RNF152: variants seen among roughly 807,000 people sequenced by gnomAD.
RNF152 encodes the protein E3 ubiquitin-protein ligase RNF152.
RNF152 carries 11 observed loss-of-function variants against 12.7 expected under a neutral mutation model. The ratio of observed to expected loss-of-function variants is 0.86; its 90% CI spans 0.54 to 1.43. The LOEUF is 1.43. Ranked by LOEUF, RNF152 falls within the 40% of genes most tolerant of loss-of-function variation. The pLI, the probability that RNF152 is intolerant of heterozygous loss-of-function variation, is 0.00. For synonymous variants in RNF152, 113 were observed against 120.3 expected (o/e 0.94, Z 0.40); for missense variants, 255 against 274.8 (o/e 0.93, Z 0.51).
At chr18:61,868,539 C>T (rs1206582782) in intron 1 of RNF152, among the ~76,000 whole-genome samples, 5 of 152,016 alleles carry the variant, frequency 3.3e-5, no homozygotes, top group South Asian at 2.1e-4. Flanking sequence ...CCCGTCTCTA[C>T]TAAAACTACA....
At chr18:61,870,884 G>C (rs900551843) in intron 1 of RNF152, among the ~76,000 whole-genome samples, 25 of 151,968 alleles carry the variant, frequency 1.6e-4, no homozygotes, top group African/African-American at 5.8e-4. Flanking sequence ...TTGCACCCAT[G>C]ATTCCATCCC....
At chr18:61,871,787 C>A (rs1912007981) in intron 1 of RNF152, among the ~76,000 whole-genome samples, 1 of 152,108 alleles carries the variant, frequency 6.6e-6, no homozygotes, top group Non-Finnish European at 1.5e-5. Flanking sequence ...TATCAAGTTA[C>A]CTCTTTTAGT....
chr18:61,829,410 C>T (rs1424822362), intron 1 of RNF152, among the ~76,000 whole-genome samples: 1 of 152,092 alleles, frequency 6.6e-6, no homozygotes, highest in East Asian at 1.9e-4. Context: ...ACCAGAGCGG[C>T]TGTCCCTGCA....
upstream of RNF152, among the ~76,000 whole-genome samples, chr18:61,893,955 C>A (rs1382628556): frequency 3.3e-5 from 5 of 151,712 alleles, no homozygotes; most frequent in African/African-American, 9.7e-5. Flanking sequence ...GCGCTCCCCT[C>A]CCCGGGACCC....
chr18:61,868,166 T>A (rs766547911), intron 1 of RNF152, among the ~76,000 whole-genome samples: 1 of 152,200 alleles, frequency 6.6e-6, no homozygotes, highest in Non-Finnish European at 1.5e-5. Flanking sequence ...AGTTACCCAC[T>A]GTAGAGGTTG....
Position 61,892,794 on chromosome 18 carries a change from C to T in RNF152, c.-136+1G>A, listed in dbSNP as rs73004445. ...GCGCTACCCAGATCGTGGGGGGTTA[C>T]CTGTATCTGTCACCGAGTCTCTTTC... On this transcript the variant is annotated splice_donor_variant, in intron 1 of 1. Coordinates refer to ENST00000312828, the MANE Select transcript of RNF152 (RefSeq NM_173557.3). LOFTEE classifies it low-confidence loss of function (5UTR_SPLICE). 0.011 allele frequency: 1,679 copies of T among 152,302 alleles called. 21 individuals carry two copies. Among genetic ancestry groups the T allele is most frequent in the Non-Finnish European group, 0.018 (1,231 of 68,068 alleles). The allele number at this position is 152,302 out of a possible 1,614,324, so 9.4% of individuals were successfully genotyped here.
At chr18:61,876,308 T>C (rs1249206403) in intron 1 of RNF152, among the ~76,000 whole-genome samples, 1 of 152,190 alleles carries the variant, frequency 6.6e-6, no homozygotes, top group East Asian at 1.9e-4. Flanking sequence ...TCCTGCAGGG[T>C]AACCTTCTAA....
At chr18:61,858,494 A>G (rs907935320) in intron 1 of RNF152, among the ~76,000 whole-genome samples, 2 of 151,614 alleles carry the variant, frequency 1.3e-5, no homozygotes, top group Non-Finnish European at 2.9e-5. Flanking sequence ...CTCTAGAAAT[A>G]TTTCCCCCGA....
At chr18:61,876,149 G>A (rs896821653) in intron 1 of RNF152, among the ~76,000 whole-genome samples, 1 of 152,102 alleles carries the variant, frequency 6.6e-6, no homozygotes, top group Admixed American at 6.5e-5. Flanking sequence ...ATTCCTCACT[G>A]CCATGTGTCC....
At chr18:61,866,518 G>A (rs1911739336) in intron 1 of RNF152, among the ~76,000 whole-genome samples, 1 of 152,216 alleles carries the variant, frequency 6.6e-6, no homozygotes, top group Admixed American at 6.5e-5. Context: ...AGTACCAAGA[G>A]TGAGGCCACA....
At chr18:61,872,456 A>G (rs1265243891) in intron 1 of RNF152, among the ~76,000 whole-genome samples, 3 of 152,188 alleles carry the variant, frequency 2.0e-5, no homozygotes, top group African/African-American at 7.2e-5. Flanking sequence ...AGCCAAAACT[A>G]TTGCTAACAA....
At chr18:61,887,951 T>C (rs926551961) in intron 1 of RNF152, 2 of 152,208 alleles carry the variant, frequency 1.3e-5, no homozygotes, top group African/African-American at 4.8e-5. Flanking sequence ...AGATTCTACT[T>C]CCTCATAACT....
chr18:61,884,191 T>C (rs1912589118), intron 1 of RNF152, among the ~76,000 whole-genome samples: 1 of 151,800 alleles, frequency 6.6e-6, no homozygotes, highest in African/African-American at 2.4e-5. Flanking sequence ...TCTCCTGTTC[T>C]TACACTAACT....
intron 1 of RNF152, among the ~76,000 whole-genome samples, chr18:61,838,226 A>T (rs1434993906): frequency 6.6e-6 from 1 of 152,234 alleles, no homozygotes; most frequent in South Asian, 2.1e-4. Flanking sequence ...CTTTGCAAAC[A>T]GCAGCATCCA....
intron 1 of RNF152, among the ~76,000 whole-genome samples, chr18:61,883,679 T>G (rs1002828565): frequency 1.3e-5 from 2 of 152,168 alleles, no homozygotes; most frequent in African/African-American, 4.8e-5. Context: ...TGGGGGTCAC[T>G]CTACTCCCAA....
chr18:61,844,081 A>AGAAAG (rs1910593412), intron 1 of RNF152, among the ~76,000 whole-genome samples: 2 of 37,126 alleles, frequency 5.4e-5, no homozygotes, highest in Non-Finnish European at 1.3e-4. Flanking sequence ...AAGAAAGGAA[A>AGAAAG]GAAAGAAAGA....
intron 1 of RNF152, among the ~76,000 whole-genome samples, chr18:61,886,013 T>G (rs1197974425): frequency 1.9e-3 from 130 of 67,034 alleles, no homozygotes; most frequent in Middle Eastern, 9.6e-3. Flanking sequence ...TTTTTTTTTT[T>G]GTGGGCAAAG....
At chr18:61,886,966 C>T (rs1435261834) in intron 1 of RNF152, among the ~76,000 whole-genome samples, 1 of 152,152 alleles carries the variant, frequency 6.6e-6, no homozygotes, top group Non-Finnish European at 1.5e-5. Flanking sequence ...GAGTTGAGAG[C>T]TGAACTGAGG....
chr18:61,815,760 C>G lies in RNF152; in HGVS notation c.*92G>C. On this transcript the variant is annotated 3_prime_UTR_variant, in exon 2 of 2. Coordinates refer to ENST00000312828, the MANE Select transcript of RNF152 (RefSeq NM_173557.3). Reference sequence around the variant, plus strand: ...AGGCCAGCGCTCAGCACCAAATGGTCAGTGTTGCCCCCCATCTTCTCACTG... The same window carrying G: ...AGGCCAGCGCTCAGCACCAAATGGTGAGTGTTGCCCCCCATCTTCTCACTG... 1 of 1,428,140 alleles carries G rather than the reference C, an allele frequency of 7.0e-7. No homozygotes were observed. The highest frequency in any genetic ancestry group is 9.7e-7 in the Non-Finnish European group (1 of 1,035,438). The allele number at this position is 1,428,140 out of a possible 1,614,324, so 88.5% of individuals were successfully genotyped here. A position where few individuals can be genotyped will look rare whatever the true frequency, so the allele number is the denominator to read the frequency against.
Sources: allele counts gnomAD v4.1 joint callset (sites outside exome capture counted in the v4.1 genomes callset), GRCh38; gene constraint gnomAD v4.1.1; transcripts MANE v1.5; gene names NCBI Gene and HGNC (gene_info 2026-07-23, HGNC 2026-07-21).